The following CDH13 variants were observed in gnomAD, a reference collection of about 807,000 sequenced individuals.
CDH13 encodes cadherin 13.
CDH13 carries 24 observed loss-of-function variants against 63.8 expected under a neutral mutation model. The observed-to-expected ratio is 0.38, with a 90% CI of 0.27 to 0.53. CDH13 has a LOEUF of 0.53. Ranked by LOEUF, CDH13 falls within the 20% of genes least tolerant of loss-of-function variation. CDH13 has a pLI of 0.85. For synonymous variants in CDH13, 503 were observed against 355.3 expected, an observed-to-expected ratio of 1.42 and a Z score of -4.67; for missense variants, 1,049 against 903.1, an observed-to-expected ratio of 1.16 and a Z score of -2.07.
intron 1 of CDH13, among the ~76,000 whole-genome samples, chr16:82,782,129 G>A (rs2035782535): frequency 6.6e-6 from 1 of 152,192 alleles, no homozygotes; most frequent in Non-Finnish European, 1.5e-5. Context: ...ATGTAGGAGG[G>A]GGCCTCTACC....
intron 6 of CDH13, among the ~76,000 whole-genome samples, chr16:83,414,541 A>G (rs1439724924): frequency 1.3e-5 from 2 of 152,094 alleles, no homozygotes; most frequent in Non-Finnish European, 2.9e-5. Flanking sequence ...GTTTAATTGA[A>G]ACTTTATGCC....
chr16:83,171,849 T>C (rs1015195910), intron 4 of CDH13, among the ~76,000 whole-genome samples: 1 of 152,112 alleles, frequency 6.6e-6, no homozygotes, highest in African/African-American at 2.4e-5. Context: ...CATAAGAAAT[T>C]TAATGTTTAC....
intron 1 of CDH13, chr16:82,727,596 C>T (rs574060034): frequency 2.0e-4 from 31 of 152,180 alleles, no homozygotes; most frequent in African/African-American, 7.2e-4. Flanking sequence ...CCATTTAGAA[C>T]ATGGTGTATT....
chr16:83,780,352 C>A (rs997106180), intron 12 of CDH13, among the ~76,000 whole-genome samples, 151 bp downstream of exon 12: 2 of 152,184 alleles, frequency 1.3e-5, no homozygotes, highest in Non-Finnish European at 2.9e-5. Flanking sequence ...AATTTTCCCA[C>A]CAACAAACAA....
chr16:82,850,933 C>T (rs1009716913), intron 1 of CDH13, among the ~76,000 whole-genome samples: 5 of 152,238 alleles, frequency 3.3e-5, no homozygotes, highest in Middle Eastern at 6.8e-3. Context: ...ATAGTATAAA[C>T]ATAACTTTTA....
chr16:83,520,293 T>C (rs2074799818), intron 7 of CDH13, among the ~76,000 whole-genome samples: 1 of 152,150 alleles, frequency 6.6e-6, no homozygotes, highest in African/African-American at 2.4e-5. Context: ...TATGATTCCA[T>C]CGTTTATGAA....
chr16:82,764,167 T>C (rs1182817469), intron 1 of CDH13, among the ~76,000 whole-genome samples: 1 of 152,178 alleles, frequency 6.6e-6, no homozygotes, highest in African/African-American at 2.4e-5. Context: ...ATTATTGCTG[T>C]TGTTGTTGTT....
chr16:83,051,668 T>G (rs2030351437), intron 3 of CDH13, among the ~76,000 whole-genome samples: 1 of 152,222 alleles, frequency 6.6e-6, no homozygotes, highest in Non-Finnish European at 1.5e-5. Flanking sequence ...AGTTCCCACT[T>G]AGAGCAAGAT....
chr16:82,906,071 G>A (rs149537864), intron 2 of CDH13, among the ~76,000 whole-genome samples: 4 of 151,920 alleles, frequency 2.6e-5, no homozygotes, highest in African/African-American at 7.3e-5. Context: ...ATCTGTCATC[G>A]ATCTATCTAC....
intron 2 of CDH13, among the ~76,000 whole-genome samples, chr16:82,994,402 A>G (rs1911983037): frequency 6.6e-6 from 1 of 152,028 alleles, no homozygotes; most frequent in Non-Finnish European, 1.5e-5. Flanking sequence ...GAGACCCCCT[A>G]CCTTTAGGGA....
intron 6 of CDH13, among the ~76,000 whole-genome samples, chr16:83,377,280 G>T (rs893432405): frequency 3.3e-5 from 5 of 152,174 alleles, no homozygotes; most frequent in Non-Finnish European, 7.3e-5. Flanking sequence ...AAGCACCACT[G>T]AAGTTTTTAA....
At chr16:83,304,050 T>C (rs539159460) in intron 5 of CDH13, among the ~76,000 whole-genome samples, 2 of 152,318 alleles carry the variant, frequency 1.3e-5, no homozygotes, top group South Asian at 4.1e-4. Context: ...GTATTGAGCA[T>C]AAAATATTTT....
intron 2 of CDH13, among the ~76,000 whole-genome samples, chr16:83,001,797 C>T (rs184498490): frequency 2.0e-5 from 3 of 152,240 alleles, no homozygotes; most frequent in African/African-American, 7.2e-5. Context: ...GATACAGGCT[C>T]GAGACACATG....
chr16:83,679,575 G>A (rs1484526416), intron 10 of CDH13, among the ~76,000 whole-genome samples: 1 of 152,178 alleles, frequency 6.6e-6, no homozygotes, highest in African/African-American at 2.4e-5. Context: ...CTAGACAAGC[G>A]TGTGAAATAA....
chr16:82,970,392 T>TACCAAAGTCCCCTCTATTATTTCC (rs1908548809), intron 2 of CDH13, among the ~76,000 whole-genome samples: 563 of 104,558 alleles, frequency 5.4e-3, no homozygotes, highest in Non-Finnish European at 8.1e-3. Context: ...CTTTTTTTTT[T>TACCAAAGTCCCCTCTATTATTTCC]TTTTTTTTTT....
At chr16:82,969,899 C>T (rs960351769) in intron 2 of CDH13, among the ~76,000 whole-genome samples, 11 of 152,018 alleles carry the variant, frequency 7.2e-5, no homozygotes, top group Admixed American at 2.6e-4. Flanking sequence ...GTCAGAAAGT[C>T]CATTTCTACA....
intron 6 of CDH13, among the ~76,000 whole-genome samples, chr16:83,412,491 A>G (rs1597961263): frequency 6.6e-6 from 1 of 152,172 alleles, no homozygotes; most frequent in East Asian, 1.9e-4. Flanking sequence ...GAATAAATAA[A>G]TAAATGTGTC....
In CDH13 at chr16:83,217,462, C is replaced by A. The variant is rs771595136; in HGVS notation, c.601C>A (p.Arg201=). The A allele has an allele frequency of 3.7e-6, 6 of 1,613,706 alleles. No individual in the cohort carries two copies. In the East Asian group the frequency reaches 1.1e-4, roughly 30 times the overall value. ...GAACACAGGGAGCGTCTCCGTGACACGGACCTTGGACAGAGAAGTAATCGC... is the reference window on the plus strand; with the variant it reads ...GAACACAGGGAGCGTCTCCGTGACAAGGACCTTGGACAGAGAAGTAATCGC... The part of the protein sequence containing the change: ...NENTGSVSVT[R]TLDREVIAVY... The change falls in exon 5 of 14, where the codon CGG becomes AGG. Residue 201 remains arginine, a synonymous_variant. Coordinates refer to ENST00000567109, the MANE Select transcript of CDH13 (RefSeq NM_001257.5).
intron 7 of CDH13, among the ~76,000 whole-genome samples, chr16:83,494,957 G>A (rs534948783): frequency 6.6e-6 from 1 of 152,282 alleles, no homozygotes; most frequent in African/African-American, 2.4e-5. Flanking sequence ...CAAGTTATAG[G>A]ATCATCTATT....
Sources: gnomAD v4.1 joint callset for allele counts (sites outside exome capture counted in the v4.1 genomes callset) on GRCh38, gnomAD v4.1.1 for gene constraint, MANE v1.5 for transcripts, NCBI Gene and HGNC (gene_info 2026-07-23, HGNC 2026-07-21) for gene names.